The following SYN3 variants were observed in gnomAD, a reference collection of about 807,000 sequenced individuals.
SYN3 encodes the protein synapsin-3.
SYN3 carries 35 observed loss-of-function variants against 65.8 expected under a neutral mutation model. The ratio of observed to expected loss-of-function variants is 0.53; its 90% CI spans 0.41 to 0.70. SYN3 has a LOEUF of 0.70. SYN3 is among the 30% of genes least tolerant of loss of function. SYN3 has a pLI of 0.00. For missense variants in SYN3, 680 were observed against 749.0 expected (o/e 0.91, Z 1.08); for synonymous variants, 270 against 292.9 (o/e 0.92, Z 0.80).
intron 6 of SYN3, among the ~76,000 whole-genome samples, chr22:32,606,805 A>AT (rs1449636544): frequency 7.3e-6 from 1 of 136,080 alleles, no homozygotes. Context: ...TTTATTTTTT[A>AT]TTTTTTATTT....
At chr22:32,774,973 G>T (rs2045873437) in intron 6 of SYN3, among the ~76,000 whole-genome samples, 1 of 152,208 alleles carries the variant, frequency 6.6e-6, no homozygotes, top group Non-Finnish European at 1.5e-5. Context: ...TAAGACAAAT[G>T]CCAATCCTGA....
At chr22:32,555,610 G>A (rs2058483197) in intron 7 of SYN3, among the ~76,000 whole-genome samples, 1 of 152,166 alleles carries the variant, frequency 6.6e-6, no homozygotes, top group African/African-American at 2.4e-5. Context: ...GAAAAGTCAG[G>A]AGGATGCATA....
chr22:32,791,883 T>A (rs1221240829), intron 6 of SYN3, among the ~76,000 whole-genome samples: 4 of 152,266 alleles, frequency 2.6e-5, no homozygotes, highest in East Asian at 1.9e-4. Context: ...CAAATTTTTT[T>A]ATTCTCTTTT....
At chr22:32,725,419 C>T (rs995126389) in intron 6 of SYN3, among the ~76,000 whole-genome samples, 1 of 152,216 alleles carries the variant, frequency 6.6e-6, no homozygotes, top group African/African-American at 2.4e-5. Flanking sequence ...CCCGTCCCTC[C>T]ACTCCAAAGA....
intron 2 of SYN3, among the ~76,000 whole-genome samples, chr22:33,001,440 T>G (rs133940): frequency 0.84 from 128,416 of 152,148 alleles, 54,450 homozygotes; most frequent in African/African-American, 0.92. Flanking sequence ...GAGGGACAGA[T>G]ATTAATAAGA....
At chr22:32,707,109 C>T (rs1362074358) in intron 6 of SYN3, among the ~76,000 whole-genome samples, 1 of 152,096 alleles carries the variant, frequency 6.6e-6, no homozygotes, top group African/African-American at 2.4e-5. Context: ...TACATTGCTT[C>T]AATCATATTA....
intron 7 of SYN3, among the ~76,000 whole-genome samples, chr22:32,554,150 T>C (rs928248561): frequency 1.3e-5 from 2 of 152,192 alleles, no homozygotes; most frequent in African/African-American, 4.8e-5. Context: ...AGAGGTGGTG[T>C]CTGGCCATCT....
In SYN3 at chr22:33,006,468, A is replaced by C; in HGVS notation, c.195T>G (p.Ser65Arg). The change falls in exon 2 of 14, where the codon AGT becomes AGG. Residue 65 changes from serine (S) to arginine (R), a missense_variant. Coordinates refer to ENST00000358763, the MANE Select transcript of SYN3 (RefSeq NM_003490.4). ...TGGCCTGAGGGGCCTGCTTCATGGC[A>C]CTGGAGAGGGAGCTAAAAAGGCTGG... ...PGSSLFSSLS[S>R]AMKQAPQATS... 1 of 1,614,168 alleles carries C rather than the reference A, an allele frequency of 6.2e-7. No individual in the cohort carries two copies. The highest frequency in any genetic ancestry group is 8.5e-7 in the Non-Finnish European group (1 of 1,180,024).
chr22:32,579,715 G>C (rs941896077), intron 7 of SYN3, among the ~76,000 whole-genome samples: 4 of 152,158 alleles, frequency 2.6e-5, no homozygotes, highest in Non-Finnish European at 5.9e-5. Flanking sequence ...CAGCCGCTTG[G>C]GTCACTTGCT....
rs532606021 is a variant in SYN3, at chr22:32,511,567, A to G, written c.*2125T>C. 2.6e-5 allele frequency among the ~76,000 whole-genome samples: 4 copies of G among 152,294 alleles called. No homozygotes were observed. Among genetic ancestry groups the G allele is most frequent in the Admixed American group, 2.6e-4 (4 of 15,304 alleles). On this transcript the variant is annotated 3_prime_UTR_variant, in exon 14 of 14. Coordinates refer to ENST00000358763, the MANE Select transcript of SYN3 (RefSeq NM_003490.4). ...GCCAGACATGCAGGGACTGTCCTAT[A>G]ACATGGAACTCAGCCGAGCATGGAG...
rs566288157 is a variant in SYN3, at chr22:32,885,288, G to A, written c.462-16163C>T. On this transcript the variant is annotated intron_variant, in intron 4 of 13. Transcript: ENST00000358763. ...CATGAGCTCATATCACTGAGCTAGG[G>A]CAATCACAGGGCCGAGTAAATCAGA... Among the ~76,000 whole-genome samples the A allele has an allele frequency of 1.8e-4, 27 of 152,292 alleles. No homozygotes were observed. In the South Asian group the frequency reaches 5.4e-3, roughly 30 times the overall value.
rs2045181908 is a variant in SYN3, at chr22:32,753,081, C to T, written c.711+111834G>A. 3.3e-5 allele frequency among the ~76,000 whole-genome samples: 5 copies of T among 152,224 alleles called. No individual in the cohort carries two copies. In the South Asian group the frequency reaches 1.0e-3, roughly 32 times the overall value. The stretch of plus-strand genomic sequence containing the variant: ...ACCTCAGCAGAGGCCAAGAAGAGCC[C>T]CTCGGGGCCCCTGAGGAAGATGTAT... On this transcript the variant is annotated intron_variant, in intron 6 of 13. Transcript: ENST00000358763.
At chr22:32,909,506 C>T (rs1188790134) in intron 4 of SYN3, among the ~76,000 whole-genome samples, 2 of 152,192 alleles carry the variant, frequency 1.3e-5, no homozygotes, top group East Asian at 1.9e-4. Flanking sequence ...CGGAAAGACC[C>T]CAAATCTATT....
chr22:32,514,884 C>T (rs535478347), intron 13 of SYN3, among the ~76,000 whole-genome samples: 4 of 152,212 alleles, frequency 2.6e-5, no homozygotes, highest in Non-Finnish European at 5.9e-5. Context: ...GGTGAGGTGG[C>T]GTGCGCCTGT....
chr22:32,840,712 CTT>C (rs1468149791), intron 6 of SYN3, among the ~76,000 whole-genome samples: 1 of 152,166 alleles, frequency 6.6e-6, no homozygotes, highest in East Asian at 1.9e-4. Flanking sequence ...AACTGAGTCT[CTT>C]CTGCAGGATG....
chr22:32,765,156 GGCCAGAGA>G (rs2045590775), intron 6 of SYN3, among the ~76,000 whole-genome samples: 1 of 152,080 alleles, frequency 6.6e-6, no homozygotes, highest in African/African-American at 2.4e-5. Context: ...TGCACCAGAG[GGCCAGAGA>G]GGCAGTGGTG....
chr22:32,720,592 C>T (rs1015312042), intron 6 of SYN3, among the ~76,000 whole-genome samples: 5 of 152,232 alleles, frequency 3.3e-5, no homozygotes, highest in Non-Finnish European at 7.3e-5. Context: ...GTTATTTTCA[C>T]TGCCCAGTGA....
At position 33,006,781 on chromosome 22, in the gene SYN3, T is replaced by C. The variant is rs761532450; in HGVS notation, c.-119A>G. ...ACTTTAGCCAGAAGAGCCAGGGGGA[T>C]TTTGCGCAACCAGCAGTCAGCTTTA... On this transcript the variant is annotated 5_prime_UTR_variant, in exon 2 of 14. Transcript: ENST00000358763. The C allele has an allele frequency of 6.9e-5, 71 of 1,023,554 alleles. No homozygotes were observed. The highest frequency in any genetic ancestry group is 9.7e-5 in the Non-Finnish European group (69 of 709,852). The allele number at this position is 1,023,554 out of a possible 1,614,324, so 63.4% of individuals were successfully genotyped here.
At chr22:32,619,378 G>A (rs1001096621) in intron 6 of SYN3, among the ~76,000 whole-genome samples, 2 of 152,182 alleles carry the variant, frequency 1.3e-5, no homozygotes, top group Non-Finnish European at 2.9e-5. Context: ...AATGTACATA[G>A]GAGTTCCACC....
Sources: gnomAD v4.1 joint callset for allele counts (sites outside exome capture counted in the v4.1 genomes callset) on GRCh38, gnomAD v4.1.1 for gene constraint, MANE v1.5 for transcripts, NCBI Gene and HGNC (gene_info 2026-07-23, HGNC 2026-07-21) for gene names.